Variants in CUX1 observed in about 807,000 individuals in gnomAD.
CUX1 encodes protein CASP.
CUX1 carries 31 observed loss-of-function variants against 158.8 expected under a neutral mutation model. That is an observed-to-expected ratio of 0.20 (90% CI 0.15 to 0.26). The LOEUF (loss-of-function observed/expected upper bound fraction) is 0.26. CUX1 is among the 10% of genes least tolerant of loss of function. The pLI is 1.00. For missense variants in CUX1, 1,589 were observed against 2,014.6 expected (o/e 0.79, Z 4.04); for synonymous variants, 879 against 862.1 (o/e 1.02, Z -0.34).
intron 1 of CUX1, among the ~76,000 whole-genome samples, chr7:101,886,067 G>C (rs1465615696): frequency 6.6e-6 from 1 of 152,196 alleles, no homozygotes; most frequent in African/African-American, 2.4e-5. Flanking sequence ...GAAGTGACAG[G>C]TGAGGCACTT....
intron 21 of CUX1, among the ~76,000 whole-genome samples, chr7:102,232,836 T>C (rs1466753692): frequency 1.3e-5 from 2 of 152,210 alleles, no homozygotes; most frequent in African/African-American, 4.8e-5. Flanking sequence ...AAAGGGGTTT[T>C]GATCCACTTC....
At chr7:102,277,862 A>T in intron 17 of CUX1, 1 of 778,532 alleles carries the variant, frequency 1.3e-6, no homozygotes, top group South Asian at 2.1e-5. Context: ...GGCTGTGGGC[A>T]CAGAAGGGGC....
chr7:102,042,992 G>A lies in CUX1; in HGVS notation c.189+14847G>A, dbSNP rs111227102. Among the ~76,000 whole-genome samples, 22 of 152,202 alleles carry A rather than the reference G, an allele frequency of 1.4e-4. 1 individual carries two copies. Among genetic ancestry groups the A allele is most frequent in the African/African-American group, 4.1e-4 (17 of 41,538 alleles). On this transcript the variant is annotated intron_variant, in intron 3 of 23. Transcript: ENST00000292535. ...TTTAGTAAAGCCGAAGTCTGGCTGC[G>A]TTGCCCAGGCTGGTCTTGAACTCCA...
chr7:102,121,707 C>G (rs529410267), intron 8 of CUX1, among the ~76,000 whole-genome samples: 1 of 152,088 alleles, frequency 6.6e-6, no homozygotes, highest in Admixed American at 6.5e-5. Context: ...TCTTGTTTGC[C>G]CTTTCCTGAA....
chr7:102,261,657 G>A (rs567437996), downstream of CUX1, among the ~76,000 whole-genome samples: 1 of 152,016 alleles, frequency 6.6e-6, no homozygotes, highest in Non-Finnish European at 1.5e-5. Flanking sequence ...GGAGGCGTCA[G>A]TGTCTCTGTG....
intron 4 of CUX1, among the ~76,000 whole-genome samples, chr7:102,093,761 G>A (rs149728181): frequency 2.6e-5 from 4 of 152,314 alleles, no homozygotes; most frequent in African/African-American, 7.2e-5. Context: ...ATTGCTTTAG[G>A]AATTAAGTAT....
chr7:101,867,561 A>G (rs939159811), intron 1 of CUX1, among the ~76,000 whole-genome samples: 3 of 152,162 alleles, frequency 2.0e-5, no homozygotes, highest in African/African-American at 7.2e-5. Context: ...CTGTGCGGCC[A>G]CGCTTAATAA....
downstream of CUX1, among the ~76,000 whole-genome samples, chr7:102,259,720 CTAAAT>C (rs536409973): frequency 1.1e-4 from 14 of 125,602 alleles, no homozygotes; most frequent in South Asian, 3.5e-3. Context: ...GATCTGCTAA[CTAAAT>C]TAAAATAAGA....
intron 2 of CUX1, among the ~76,000 whole-genome samples, chr7:102,022,787 C>T (rs1240402608): frequency 6.6e-6 from 1 of 152,256 alleles, no homozygotes; most frequent in African/African-American, 2.4e-5. Flanking sequence ...ACATCACTTT[C>T]TGTGCATTAA....
At position 102,248,219 on chromosome 7, in the gene CUX1, C is replaced by A. The variant is rs906221352; in HGVS notation, c.3888-193C>A. ...GTCCCAGCCCTGGGATGGCTCCTGG[C>A]CAGGCCCGGAGGGGTGGGTGGTGAC... On this transcript the variant is annotated intron_variant, in intron 23 of 23. Coordinates refer to ENST00000292535, the MANE Select transcript of CUX1 (RefSeq NM_181552.4). This position sits in a 1 kb window ranked among gnomAD's most constrained non-coding sequence, Gnocchi z 5.8. Among the ~76,000 whole-genome samples the A allele has an allele frequency of 6.6e-6, 1 of 152,172 alleles. No homozygotes were observed. Among genetic ancestry groups the A allele is most frequent in the Non-Finnish European group, 1.5e-5 (1 of 68,016 alleles).
intron 3 of CUX1, among the ~76,000 whole-genome samples, chr7:102,045,829 A>C (rs1298843413): frequency 7.2e-5 from 11 of 152,238 alleles, no homozygotes; most frequent in Non-Finnish European, 1.5e-5. Flanking sequence ...GAACTCGGGC[A>C]GAGTGGGCCT....
chr7:101,937,043 G>A (rs1209410001), intron 2 of CUX1, among the ~76,000 whole-genome samples: 1 of 152,178 alleles, frequency 6.6e-6, no homozygotes, highest in Non-Finnish European at 1.5e-5. Flanking sequence ...TTACTCTGAG[G>A]CCAGTTTGGG....
chr7:101,829,522 G>A (rs1793746885), intron 1 of CUX1, among the ~76,000 whole-genome samples: 1 of 152,120 alleles, frequency 6.6e-6, no homozygotes, highest in Non-Finnish European at 1.5e-5. Flanking sequence ...TGAGCTCCAG[G>A]AGTGTTTTTC....
downstream of CUX1, chr7:102,258,344 C>T (rs185139845): frequency 4.1e-6 from 1 of 242,370 alleles, no homozygotes. Flanking sequence ...GAGGTCGTCC[C>T]CTTTGCACCT....
chr7:102,097,140 C>T (rs1229593861), intron 4 of CUX1, among the ~76,000 whole-genome samples: 2 of 152,258 alleles, frequency 1.3e-5, no homozygotes, highest in African/African-American at 4.8e-5. Flanking sequence ...TGGCTATTGC[C>T]ACCCCATTTT....
intron 2 of CUX1, among the ~76,000 whole-genome samples, chr7:101,998,028 T>C (rs1350181820): frequency 6.6e-6 from 1 of 152,184 alleles, no homozygotes; most frequent in African/African-American, 2.4e-5. Flanking sequence ...GTATCTTAAA[T>C]TGGGCACCTT....
At chr7:102,170,359 A>T in intron 9 of CUX1, 87 bp from the exon 10 acceptor site, 2 of 890,056 alleles carry the variant, frequency 2.2e-6, no homozygotes, top group Non-Finnish European at 3.5e-6. Context: ...ATAGTCAGTC[A>T]GGCATGAATT....
chr7:102,010,235 T>C (rs1308477868), intron 2 of CUX1, among the ~76,000 whole-genome samples: 5 of 151,266 alleles, frequency 3.3e-5, no homozygotes, highest in Non-Finnish European at 7.4e-5. Context: ...CTCTACTAAA[T>C]AATACAAAAA....
At chr7:102,048,266 G>A (rs1823054838) in intron 3 of CUX1, among the ~76,000 whole-genome samples, 2 of 152,202 alleles carry the variant, frequency 1.3e-5, no homozygotes, top group South Asian at 2.1e-4. Flanking sequence ...CTTGAAACTT[G>A]TTATGCCCGG....
Sources: allele counts gnomAD v4.1 joint callset (sites outside exome capture counted in the v4.1 genomes callset), GRCh38; gene constraint gnomAD v4.1.1; non-coding constraint Gnocchi (gnomAD v3.1); transcripts MANE v1.5; gene names NCBI Gene and HGNC (gene_info 2026-07-23, HGNC 2026-07-21).